Variants in DNAAF11 observed in about 807,000 individuals in gnomAD.
DNAAF11 encodes leucine rich repeat containing 6.
DNAAF11 carries 45 observed loss-of-function variants against 60.8 expected under a neutral mutation model. The ratio of observed to expected loss-of-function variants is 0.74; its 90% CI spans 0.58 to 0.95. The LOEUF (loss-of-function observed/expected upper bound fraction) is 0.95. DNAAF11 is among the 40% of genes least tolerant of loss of function. The pLI, the probability that DNAAF11 is intolerant of heterozygous loss-of-function variation, is 0.00. For missense variants in DNAAF11, 546 were observed against 546.2 expected, an observed-to-expected ratio of 1.00 and a Z score of 0.00; for synonymous variants, 191 against 183.5, an observed-to-expected ratio of 1.04 and a Z score of -0.33.
intron 10 of DNAAF11, among the ~76,000 whole-genome samples, chr8:132,597,978 C>T (rs1817198743): frequency 6.6e-6 from 1 of 152,244 alleles, no homozygotes; most frequent in East Asian, 1.9e-4. Flanking sequence ...AAGCACTTTA[C>T]TATATTAAGC....
the DNAAF11 span, among the ~76,000 whole-genome samples, chr8:132,681,844 A>G: frequency 0.58 from 87,958 of 151,570 alleles, 27,844 homozygotes; most frequent in African/African-American, 0.85. Context: ...TCAGGAGAGA[A>G]TAACTAGGAT....
chr8:132,573,326 A>G (rs1814412082), intron 11 of DNAAF11, among the ~76,000 whole-genome samples: 1 of 152,192 alleles, frequency 6.6e-6, no homozygotes, highest in Non-Finnish European at 1.5e-5. Flanking sequence ...TTAAATATCT[A>G]TGATATTCCA....
At chr8:132,699,056 G>A in the DNAAF11 span, among the ~76,000 whole-genome samples, 2 of 151,340 alleles carry the variant, frequency 1.3e-5, no homozygotes, top group African/African-American at 4.9e-5. Context: ...TTGAGTCCAG[G>A]AGGCAGAAGT....
At chr8:132,604,772 T>C (rs1021911454) in intron 10 of DNAAF11, among the ~76,000 whole-genome samples, 5 of 151,990 alleles carry the variant, frequency 3.3e-5, no homozygotes, top group African/African-American at 9.7e-5. Context: ...CCAACCAAAA[T>C]AGAAACTAAA....
chr8:132,615,652 T>C (rs1252538284), intron 7 of DNAAF11, among the ~76,000 whole-genome samples: 1 of 152,146 alleles, frequency 6.6e-6, no homozygotes, highest in Non-Finnish European at 1.5e-5. Flanking sequence ...TTCAAAGAGG[T>C]TGGCATAGCT....
intron 3 of DNAAF11, among the ~76,000 whole-genome samples, chr8:132,655,920 T>A (rs889329843): frequency 6.6e-6 from 1 of 152,194 alleles, no homozygotes; most frequent in African/African-American, 2.4e-5. Context: ...TACAAATCGA[T>A]ACAATAAATA....
chr8:132,676,667 G>A (rs1825770786), upstream of DNAAF11, among the ~76,000 whole-genome samples: 2 of 152,206 alleles, frequency 1.3e-5, no homozygotes, highest in South Asian at 4.1e-4. Flanking sequence ...CATGAACTTG[G>A]ACAGAGAGGC....
Position 132,672,707 on chromosome 8 carries a change from C to T in DNAAF11, c.10+2777G>A, listed in dbSNP as rs1051298575. Among the ~76,000 whole-genome samples the T allele has an allele frequency of 4.6e-5, 7 of 152,314 alleles. No homozygotes were observed. In the East Asian group the frequency reaches 1.3e-3, roughly 29 times the overall value. On this transcript the variant is annotated intron_variant, in intron 1 of 11. Transcript: ENST00000620350. The stretch of plus-strand genomic sequence containing the variant: ...ACACTGACTAGAAGGCAATAAGCAG[C>T]TCAATAACTGTGAGTGAGCTATTAT...
chr8:132,660,408 C>T (rs577042436), intron 2 of DNAAF11, among the ~76,000 whole-genome samples: 1 of 152,320 alleles, frequency 6.6e-6, no homozygotes, highest in African/African-American at 2.4e-5. Flanking sequence ...GATGGCAAGA[C>T]TAAGACTTGG....
At chr8:132,600,085 C>A (rs1473907076) in intron 10 of DNAAF11, among the ~76,000 whole-genome samples, 1 of 152,188 alleles carries the variant, frequency 6.6e-6, no homozygotes, top group Non-Finnish European at 1.5e-5. Flanking sequence ...TCTCAGGATA[C>A]AAAATCAATG....
chr8:132,575,257 T>C lies in DNAAF11; in HGVS notation c.1227-2777A>G, dbSNP rs78189146. 2.3e-3 allele frequency among the ~76,000 whole-genome samples: 345 copies of C among 152,262 alleles called. 2 individuals are homozygous for C. The highest frequency in any genetic ancestry group is 8.1e-3 in the African/African-American group (337 of 41,544). The stretch of plus-strand genomic sequence containing the variant: ...TTTAAAATAGGGATGACAATGAACA[T>C]AAGGCTGTTGTCAAGATCAAATGAG... On this transcript the variant is annotated intron_variant, in intron 11 of 11. Transcript: ENST00000620350.
chr8:132,685,232 C>T, the DNAAF11 span: 58 of 152,300 alleles, frequency 3.8e-4, 1 homozygote, highest in African/African-American at 1.3e-3. Context: ...TCATAGAAAA[C>T]GTGGTATCCA....
At chr8:132,630,603 T>C (rs1820701159) in intron 5 of DNAAF11, among the ~76,000 whole-genome samples, 2 of 152,198 alleles carry the variant, frequency 1.3e-5, no homozygotes, top group South Asian at 4.1e-4. Context: ...CACAGACTGG[T>C]AGAAGACACT....
chr8:132,659,841 C>G (rs1823958588), intron 2 of DNAAF11, among the ~76,000 whole-genome samples: 1 of 152,068 alleles, frequency 6.6e-6, no homozygotes. Context: ...GGTGGGGGAG[C>G]ATCCTGAGCA....
At chr8:132,595,958 G>A (rs1563993868) in intron 10 of DNAAF11, among the ~76,000 whole-genome samples, 1 of 152,160 alleles carries the variant, frequency 6.6e-6, no homozygotes, top group Non-Finnish European at 1.5e-5. Context: ...TATTTCAGTA[G>A]TGGTACCCGC....
intron 5 of DNAAF11, among the ~76,000 whole-genome samples, chr8:132,628,109 T>C (rs982280213): frequency 6.6e-6 from 1 of 152,102 alleles, no homozygotes; most frequent in Non-Finnish European, 1.5e-5. Context: ...TGTCTACTTG[T>C]TCTATAAAAT....
intron 2 of DNAAF11, among the ~76,000 whole-genome samples, chr8:132,660,503 A>G (rs183641780): frequency 2.0e-5 from 3 of 152,312 alleles, no homozygotes; most frequent in Admixed American, 6.5e-5. Context: ...CTGATGCCAG[A>G]GCCTGTGCTT....
In DNAAF11 at chr8:132,599,813, A is replaced by G. The variant is rs557798049; in HGVS notation, c.1140+10353T>C. On this transcript the variant is annotated intron_variant, in intron 10 of 11. Transcript: ENST00000620350. ...GCTATTTATGACAAACCCACAGCCA[A>G]TATCATACTGAATGGGCAAAAACTG... Among the ~76,000 whole-genome samples the G allele has an allele frequency of 8.8e-3, 1,333 of 152,314 alleles. 20 individuals are homozygous for G. Among genetic ancestry groups the G allele is most frequent in the African/African-American group, 0.03 (1,262 of 41,558 alleles).
chr8:132,611,490 G>A (rs1051353071), intron 8 of DNAAF11, 127 bp from the exon 9 acceptor site: 3 of 524,166 alleles, frequency 5.7e-6, no homozygotes, highest in Non-Finnish European at 1.0e-5. Flanking sequence ...TGCAAAATGG[G>A]TCTTTAAAAA....
Sources: allele counts gnomAD v4.1 joint callset (sites outside exome capture counted in the v4.1 genomes callset), GRCh38; gene constraint gnomAD v4.1.1; transcripts MANE v1.5; gene names NCBI Gene and HGNC (gene_info 2026-07-23, HGNC 2026-07-21).